The following CTNNA3 variants were observed in gnomAD, a reference collection of about 807,000 sequenced individuals.
CTNNA3 encodes the protein catenin alpha-3.
In CTNNA3, 76 loss-of-function variants were observed where a neutral mutation model predicts 95.7. The observed-to-expected ratio is 0.79, with a 90% confidence interval of 0.66 to 0.96. The LOEUF (loss-of-function observed/expected upper bound fraction) is 0.96. Among genes scored for constraint, CTNNA3 ranks in the 40% least tolerant of loss-of-function variants. The probability of loss-of-function intolerance (pLI) is 0.00; values close to 1 mark genes in which losing one functional copy is unlikely to be tolerated. For synonymous variants in CTNNA3, 431 were observed against 374.4 expected (o/e 1.15, Z -1.74); for missense variants, 1,191 against 1,089.8 (o/e 1.09, Z -1.31).
rs192613480 is a variant in CTNNA3 at position 67,626,364 on chromosome 10, A to G, written c.100-19315T>C. ...TGTGGGGTGGCTCTGGATTTTGTGA[A>G]GACTGCTTCTTTGTACCTCTTTGGA... On this transcript the variant is annotated intron_variant, in intron 2 of 17. Transcript: ENST00000433211. 2.6e-5 allele frequency among the ~76,000 whole-genome samples: 4 copies of G among 152,220 alleles called. No individual in the cohort carries two copies. In the East Asian group the frequency reaches 7.7e-4, roughly 29 times the overall value.
chr10:66,536,380 G>A (rs549016781), intron 10 of CTNNA3, among the ~76,000 whole-genome samples: 21 of 150,944 alleles, frequency 1.4e-4, no homozygotes, highest in African/African-American at 5.1e-4. Context: ...TACTCAGGAA[G>A]CAGAGGCAGG....
At chr10:66,539,633 C>G (rs996176382) in intron 10 of CTNNA3, among the ~76,000 whole-genome samples, 2 of 152,110 alleles carry the variant, frequency 1.3e-5, no homozygotes, top group African/African-American at 4.8e-5. Context: ...GGCCTTTTAC[C>G]TTCCCATGGG....
intron 15 of CTNNA3, among the ~76,000 whole-genome samples, chr10:66,060,919 C>G (rs2080183470): frequency 6.6e-6 from 1 of 152,054 alleles, no homozygotes; most frequent in African/African-American, 2.4e-5. Context: ...AGTTCCTTAC[C>G]TTCTAGGAAG....
chr10:67,243,266 A>G (rs1260833869), intron 5 of CTNNA3, among the ~76,000 whole-genome samples: 1 of 151,562 alleles, frequency 6.6e-6, no homozygotes, highest in Non-Finnish European at 1.5e-5. Flanking sequence ...GACTTTTCCA[A>G]CCCCCCCAAC....
chr10:67,744,666 A>G (rs1198955248), intron 1 of CTNNA3, among the ~76,000 whole-genome samples: 1 of 151,098 alleles, frequency 6.6e-6, no homozygotes, highest in Non-Finnish European at 1.5e-5. Flanking sequence ...ATCTAATTAA[A>G]CTAAAGAGTT....
intron 9 of CTNNA3, among the ~76,000 whole-genome samples, chr10:66,677,383 T>G (rs10997294): frequency 0.55 from 83,816 of 151,480 alleles, 23,921 homozygotes; most frequent in African/African-American, 0.68. Context: ...AAAAATAATT[T>G]TATACAAAAT....
At chr10:67,703,398 C>T (rs1344338714) in intron 1 of CTNNA3, among the ~76,000 whole-genome samples, 2 of 152,068 alleles carry the variant, frequency 1.3e-5, no homozygotes, top group African/African-American at 4.8e-5. Flanking sequence ...CAAACCAAAT[C>T]CAGCAGCACA....
chr10:66,443,613 C>T (rs975609026), intron 11 of CTNNA3, among the ~76,000 whole-genome samples: 6 of 152,122 alleles, frequency 3.9e-5, no homozygotes, highest in Non-Finnish European at 7.3e-5. Context: ...ATCTGAGGGT[C>T]CTGTCTGTTA....
intron 12 of CTNNA3, among the ~76,000 whole-genome samples, chr10:66,346,242 TATATAG>T (rs1240952116): frequency 5.6e-4 from 5 of 8,866 alleles, no homozygotes; most frequent in South Asian, 4.5e-3. Flanking sequence ...TATATATATA[TATATAG>T]AGAGAGAGAG....
chr10:66,708,525 G>A (rs1372965606), intron 9 of CTNNA3, among the ~76,000 whole-genome samples: 1 of 151,800 alleles, frequency 6.6e-6, no homozygotes, highest in Non-Finnish European at 1.5e-5. Flanking sequence ...ACCCCTTGTA[G>A]GACCCTATCT....
chr10:67,716,521 T>C (rs1382669009), intron 1 of CTNNA3, among the ~76,000 whole-genome samples: 1 of 152,170 alleles, frequency 6.6e-6, no homozygotes, highest in African/African-American at 2.4e-5. Context: ...CCTCCCTGTG[T>C]CCATGTATTC....
At chr10:67,721,465 G>A (rs572318356) in intron 1 of CTNNA3, among the ~76,000 whole-genome samples, 76 of 151,702 alleles carry the variant, frequency 5.0e-4, no homozygotes, top group South Asian at 2.3e-3. Flanking sequence ...TGATACTTAC[G>A]TATGCTTCAC....
chr10:67,354,084 A>G (rs1842727672), intron 5 of CTNNA3, among the ~76,000 whole-genome samples: 1 of 152,062 alleles, frequency 6.6e-6, no homozygotes, highest in South Asian at 2.1e-4. Flanking sequence ...TTTCTAAAAC[A>G]AACATTTCTC....
At chr10:66,604,668 C>A (rs578021254) in intron 10 of CTNNA3, among the ~76,000 whole-genome samples, 6 of 152,090 alleles carry the variant, frequency 3.9e-5, no homozygotes, top group African/African-American at 1.4e-4. Context: ...AGTTACAGCA[C>A]CCAGTACAGG....
At chr10:66,115,187 G>A (rs573450288) in intron 13 of CTNNA3, among the ~76,000 whole-genome samples, 4 of 152,256 alleles carry the variant, frequency 2.6e-5, no homozygotes, top group African/African-American at 4.8e-5. Flanking sequence ...GTCTATCAAC[G>A]TTGCATGATA....
At position 66,519,988 on chromosome 10, in the gene CTNNA3, T is replaced by C. The variant is rs183011856; in HGVS notation, c.1531+629A>G. ...GAAAAGAAGCGCAGGGAAATCAGGATTTATTTGAAAATCTAGGAAAAACCT... is the reference window on the plus strand; with the variant it reads ...GAAAAGAAGCGCAGGGAAATCAGGACTTATTTGAAAATCTAGGAAAAACCT... On this transcript the variant is annotated intron_variant, in intron 11 of 17. Transcript: ENST00000433211. 3.3e-5 allele frequency among the ~76,000 whole-genome samples: 5 copies of C among 152,262 alleles called. No individual in the cohort carries two copies. In the East Asian group the frequency reaches 9.7e-4, roughly 29 times the overall value.
rs5785760 is a variant in CTNNA3, at chr10:66,516,064, G to GAAAAAA, written c.1531+4547_1531+4552dup. 9.9e-5 allele frequency among the ~76,000 whole-genome samples: 14 copies of GAAAAAA among 141,214 alleles called. 1 individual carries two copies. Among genetic ancestry groups the GAAAAAA allele is most frequent in the African/African-American group, 3.4e-4 (13 of 38,228 alleles). The allele number at this position is 141,214 out of a possible 152,430, so 92.6% of individuals were successfully genotyped here. A position where few individuals can be genotyped will look rare whatever the true frequency, so the allele number is the denominator to read the frequency against. ...TATTCAAACTATGATTAATTATCTG[G>GAAAAAA]AAAAAAAAAAAAAAAAGGTAACCCA... On this transcript the variant is annotated intron_variant, in intron 11 of 17. Coordinates refer to ENST00000433211, the MANE Select transcript of CTNNA3 (RefSeq NM_013266.4).
At chr10:67,272,927 T>C (rs1839042276) in intron 5 of CTNNA3, among the ~76,000 whole-genome samples, 1 of 152,132 alleles carries the variant, frequency 6.6e-6, no homozygotes, top group African/African-American at 2.4e-5. Context: ...CTGTCACTCA[T>C]CAAAATCTAT....
intron 5 of CTNNA3, among the ~76,000 whole-genome samples, chr10:67,237,087 C>T (rs989376709): frequency 3.0e-5 from 4 of 132,724 alleles, no homozygotes; most frequent in Non-Finnish European, 4.8e-5. Context: ...AACCCAAATG[C>T]CCATCAATCA....
Sources: allele counts gnomAD v4.1 joint callset (sites outside exome capture counted in the v4.1 genomes callset), GRCh38; gene constraint gnomAD v4.1.1; transcripts MANE v1.5; gene names NCBI Gene and HGNC (gene_info 2026-07-23, HGNC 2026-07-21).